Variants in RAB22A observed in about 807,000 individuals in gnomAD.
RAB22A encodes RAB22A, member RAS oncogene family, also known as ras-related protein Rab-22A.
A neutral mutation model predicts 30.2 loss-of-function variants in RAB22A; 13 were observed. That is an observed-to-expected ratio of 0.43 (90% CI 0.28 to 0.68). The LOEUF is 0.68. Among genes scored for constraint, RAB22A ranks in the 30% least tolerant of loss-of-function variants. The pLI is 0.18. For synonymous variants in RAB22A, 89 were observed against 87.2 expected, an observed-to-expected ratio of 1.02 and a Z score of -0.11; for missense variants, 177 against 246.8, an observed-to-expected ratio of 0.72 and a Z score of 1.89.
chr20:58,332,537 A>C (rs987227962), intron 2 of RAB22A, among the ~76,000 whole-genome samples: 3 of 152,222 alleles, frequency 2.0e-5, no homozygotes, highest in African/African-American at 7.2e-5. Context: ...TAAAATGTCC[A>C]TATAAAGTCA....
Position 58,360,915 on chromosome 20 carries a change from C to G in RAB22A, c.*1212C>G, listed in dbSNP as rs933474528. ...TAGCCTGAGGGTAAAAGATTAAGCT[C>G]CAACCTCAAGTCATTTACCTGGTCT... On this transcript the variant is annotated 3_prime_UTR_variant, in exon 7 of 7. Transcript: ENST00000244040. The G allele has an allele frequency of 6.6e-6, 1 of 152,620 alleles. No individual in the cohort carries two copies. The highest frequency in any genetic ancestry group is 1.9e-4 in the East Asian group (1 of 5,198). 9.5% of individuals were successfully genotyped at this position (152,620 alleles called of 1,614,324 possible). A position where few individuals can be genotyped will look rare whatever the true frequency, so the allele number is the denominator to read the frequency against.
intron 3 of RAB22A, among the ~76,000 whole-genome samples, chr20:58,344,453 G>A (rs1384763226): frequency 6.6e-6 from 1 of 152,134 alleles, no homozygotes; most frequent in Admixed American, 6.5e-5. Flanking sequence ...TTTCCTCTGG[G>A]TACTGAGACA....
At chr20:58,346,720 T>C (rs896354121) in intron 3 of RAB22A, among the ~76,000 whole-genome samples, 1 of 152,228 alleles carries the variant, frequency 6.6e-6, no homozygotes, top group African/African-American at 2.4e-5. Flanking sequence ...GACCACAGTG[T>C]CTTGTTCACT....
At chr20:58,359,432 C>T (rs955690348) in intron 6 of RAB22A, among the ~76,000 whole-genome samples, 174 bp from the exon 7 acceptor site, 1 of 151,658 alleles carries the variant, frequency 6.6e-6, no homozygotes. Flanking sequence ...TACACAGGAG[C>T]TCTATCATCT....
chr20:58,324,335 A>G (rs1271298896), intron 2 of RAB22A, among the ~76,000 whole-genome samples: 2 of 151,292 alleles, frequency 1.3e-5, no homozygotes, highest in African/African-American at 4.9e-5. Context: ...TGACTCTTTC[A>G]TATACGTTTT....
chr20:58,314,249 GA>G (rs1986290631), intron 2 of RAB22A, among the ~76,000 whole-genome samples: 2 of 152,068 alleles, frequency 1.3e-5, no homozygotes, highest in Non-Finnish European at 2.9e-5. Flanking sequence ...ATTTTGAGTA[GA>G]GACAGGGTTT....
At chr20:58,359,550 T>G (rs1987189962) in intron 6 of RAB22A, 56 bp from the exon 7 acceptor site, 2 of 1,294,058 alleles carry the variant, frequency 1.5e-6, no homozygotes, top group East Asian at 2.6e-5. Flanking sequence ...TCTGCAAAAT[T>G]GTTGTGTCTG....
At chr20:58,359,128 G>A (rs1452047447) in intron 6 of RAB22A, among the ~76,000 whole-genome samples, 1 of 152,208 alleles carries the variant, frequency 6.6e-6, no homozygotes, top group East Asian at 1.9e-4. Flanking sequence ...TGGTGGCCTT[G>A]TCATGAGACA....
intron 6 of RAB22A, among the ~76,000 whole-genome samples, chr20:58,356,026 G>T (rs1248347494): frequency 6.6e-6 from 1 of 152,088 alleles, no homozygotes; most frequent in East Asian, 1.9e-4. Flanking sequence ...AAACAGGAAA[G>T]TAGGCCAGAC....
intron 2 of RAB22A, among the ~76,000 whole-genome samples, chr20:58,322,031 C>T (rs768786986): frequency 1.7e-4 from 26 of 152,302 alleles, no homozygotes; most frequent in Admixed American, 3.3e-4. Flanking sequence ...CCCCTGGGCT[C>T]AAGCCATCCT....
Position 58,360,676 on chromosome 20 carries a change from A to C in RAB22A, c.*973A>C, listed in dbSNP as rs1987210612. The C allele has an allele frequency of 1.3e-5, 2 of 152,766 alleles. No individual in the cohort carries two copies. The highest frequency in any genetic ancestry group is 3.9e-4 in the East Asian group (2 of 5,188). 9.5% of individuals were successfully genotyped at this position (152,766 alleles called of 1,614,324 possible). A position where few individuals can be genotyped will look rare whatever the true frequency, so the allele number is the denominator to read the frequency against. On this transcript the variant is annotated 3_prime_UTR_variant, in exon 7 of 7. Coordinates refer to ENST00000244040, the MANE Select transcript of RAB22A (RefSeq NM_020673.3). ...CTAAGTTTCATTTGACATTCCATTGAATCTCGCACCCAGTCTTGCGTATGC... is the reference window on the plus strand; with the variant it reads ...CTAAGTTTCATTTGACATTCCATTGCATCTCGCACCCAGTCTTGCGTATGC...
intron 2 of RAB22A, among the ~76,000 whole-genome samples, chr20:58,336,429 A>C (rs2122951143): frequency 6.6e-6 from 1 of 152,172 alleles, no homozygotes; most frequent in Middle Eastern, 3.4e-3. Context: ...TTTTGCCTAC[A>C]TCATCTGTCT....
intron 3 of RAB22A, chr20:58,345,735 A>G (rs1986934720): frequency 2.0e-5 from 3 of 152,244 alleles, no homozygotes; most frequent in Admixed American, 1.3e-4. Context: ...CACGTCTTGT[A>G]AGCCTGTCTG....
intron 2 of RAB22A, among the ~76,000 whole-genome samples, chr20:58,322,013 G>A (rs1361671489): frequency 6.6e-6 from 1 of 152,088 alleles, no homozygotes; most frequent in Non-Finnish European, 1.5e-5. Context: ...GCCCAGGCTG[G>A]TCTCAAACCC....
At chr20:58,343,234 C>G (rs1034454454) in intron 2 of RAB22A, among the ~76,000 whole-genome samples, 7 of 152,126 alleles carry the variant, frequency 4.6e-5, no homozygotes, top group Non-Finnish European at 7.3e-5. Flanking sequence ...TGTTCAACAC[C>G]TTAATGTTAT....
chr20:58,321,973 C>T (rs1019322697), intron 2 of RAB22A, among the ~76,000 whole-genome samples: 8 of 152,014 alleles, frequency 5.3e-5, no homozygotes, highest in African/African-American at 1.9e-4. Flanking sequence ...TAATTTTTTT[C>T]ATTTTTTGTA....
chr20:58,314,568 C>T (rs764284355), intron 2 of RAB22A, among the ~76,000 whole-genome samples: 3 of 152,138 alleles, frequency 2.0e-5, no homozygotes, highest in South Asian at 2.1e-4. Flanking sequence ...TGGCTGTGCA[C>T]GGTGGCTCAC....
chr20:58,333,891 T>C (rs1482871654), intron 2 of RAB22A, among the ~76,000 whole-genome samples: 1 of 152,134 alleles, frequency 6.6e-6, no homozygotes, highest in Non-Finnish European at 1.5e-5. Flanking sequence ...ACCCTGTCTC[T>C]ACAAGAGAAT....
At chr20:58,340,075 A>G (rs1057455873) in intron 2 of RAB22A, among the ~76,000 whole-genome samples, 2 of 152,220 alleles carry the variant, frequency 1.3e-5, no homozygotes, top group Non-Finnish European at 2.9e-5. Flanking sequence ...AGAAATCAAC[A>G]GAAATGCATT....
Sources: allele counts gnomAD v4.1 joint callset (sites outside exome capture counted in the v4.1 genomes callset), GRCh38; gene constraint gnomAD v4.1.1; transcripts MANE v1.5; gene names NCBI Gene and HGNC (gene_info 2026-07-23, HGNC 2026-07-21).